Variants in HSPA8 observed in about 807,000 individuals in gnomAD.
HSPA8 encodes the protein heat shock protein family A (Hsp70) member 8, also known as heat shock cognate 71 kDa protein.
In HSPA8, 2 loss-of-function variants were observed where a neutral mutation model predicts 52.8. The ratio of observed to expected loss-of-function variants is 0.04; its 90% confidence interval spans 0.02 to 0.12. The LOEUF (loss-of-function observed/expected upper bound fraction) is 0.12. Ranked by LOEUF, HSPA8 falls within the 10% of genes least tolerant of loss-of-function variation. The probability of loss-of-function intolerance (pLI) is 1.00; values close to 1 mark genes in which losing one functional copy is unlikely to be tolerated. For synonymous variants in HSPA8, 436 were observed against 274.0 expected, an observed-to-expected ratio of 1.59 and a Z score of -5.84; for missense variants, 349 against 800.5, an observed-to-expected ratio of 0.44 and a Z score of 6.81.
intron 2 of HSPA8, 57 bp from the exon 3 acceptor site, chr11:123,060,855 C>G: frequency 6.1e-6 from 9 of 1,477,878 alleles, no homozygotes; most frequent in South Asian, 1.1e-5. Flanking sequence ...TGATAAAACT[C>G]AAGTCCATGA....
chr11:123,058,104 G>A lies in HSPA8; in HGVS notation c.1755+148C>T, dbSNP rs531142449. ...ACTCAGACATCCAAGGAAGGTAGTT[G>A]CCAACACCTTGAATTCTGGTGGAAA... On this transcript the variant is annotated intron_variant, in intron 8 of 8. Coordinates refer to ENST00000534624, the MANE Select transcript of HSPA8 (RefSeq NM_006597.6). The A allele has an allele frequency of 5.2e-5, 37 of 713,144 alleles. No individual in the cohort carries two copies. In the South Asian group the frequency reaches 6.7e-4, roughly 13 times the overall value. The allele number at this position is 713,144 out of a possible 1,614,324, so 44.2% of individuals were successfully genotyped here.
intron 1 of HSPA8, 78 bp from the exon 2 acceptor site, chr11:123,061,407 AG>A: frequency 8.7e-7 from 1 of 1,153,892 alleles, no homozygotes; most frequent in South Asian, 1.3e-5. Context: ...ACACTTAACC[AG>A]GAAAAACGTA....
intron 6 of HSPA8, 40 bp from the exon 7 acceptor site, chr11:123,058,870 G>A (rs1446667163): frequency 1.3e-5 from 20 of 1,580,016 alleles, no homozygotes; most frequent in Non-Finnish European, 1.7e-5. Flanking sequence ...ATGGACTCCA[G>A]GTCTGTGACA....
chr11:123,059,440 T>C (rs776072340), intron 5 of HSPA8, 33 bp downstream of exon 5: 2 of 1,573,224 alleles, frequency 1.3e-6, no homozygotes, highest in Non-Finnish European at 1.7e-6. Context: ...TGGGCCTGCC[T>C]GCCTTTAGGG....
At position 123,061,329 on chromosome 11, in the gene HSPA8, G is replaced by A. The variant is rs1163647441; in HGVS notation, c.-5C>T. 7 of 1,610,410 alleles carry A rather than the reference G, an allele frequency of 4.3e-6. No individual in the cohort carries two copies. In the South Asian group the frequency reaches 5.5e-5, roughly 13 times the overall value. On this transcript the variant is annotated splice_region_variant and 5_prime_UTR_variant, in exon 2 of 9. Coordinates refer to ENST00000534624, the MANE Select transcript of HSPA8 (RefSeq NM_006597.6). ...AACTGCAGGTCCCTTGGACATGGTTGCTGAAAAAAAGAAAAATCTGGTTTA... is the reference window on the plus strand; with the variant it reads ...AACTGCAGGTCCCTTGGACATGGTTACTGAAAAAAAGAAAAATCTGGTTTA...
At chr11:123,058,158 G>A in intron 8 of HSPA8, 94 bp downstream of exon 8, 1 of 858,944 alleles carries the variant, frequency 1.2e-6, no homozygotes, top group Non-Finnish European at 1.9e-6. Flanking sequence ...ATTCATCATT[G>A]TGACCCTACA....
intron 8 of HSPA8, 24 bp from the exon 9 acceptor site, chr11:123,057,943 C>T: frequency 6.5e-7 from 1 of 1,546,522 alleles, no homozygotes; most frequent in East Asian, 2.3e-5. Flanking sequence ...AAAGGAATTA[C>T]TGCAAGTTCT....
chr11:123,060,910 C>CAT (rs1326323827), intron 2 of HSPA8, 112 bp from the exon 3 acceptor site: 1 of 1,023,944 alleles, frequency 9.8e-7, no homozygotes, highest in Non-Finnish European at 1.5e-6. Context: ...ATTCAACTAC[C>CAT]ATATAGGTAG....
In HSPA8 at chr11:123,061,332, GAA is replaced by G. The variant is rs144664941; in HGVS notation, c.-5-5_-5-4del. The G allele has an allele frequency of 1.9e-6, 3 of 1,603,284 alleles. No individual in the cohort carries two copies. The highest frequency in any genetic ancestry group is 2.2e-5 in the East Asian group (1 of 44,830). On this transcript the variant is annotated splice_region_variant and splice_polypyrimidine_tract_variant and intron_variant, in intron 1 of 8. Transcript: ENST00000534624. ...TGCAGGTCCCTTGGACATGGTTGCT[GAA>G]AAAAAGAAAAATCTGGTTTAAAAAT... is the stretch of plus-strand genomic sequence containing the variant.
chr11:123,058,693 A>G lies in HSPA8; in HGVS notation c.1461T>C (p.Asn487=). 3.7e-6 allele frequency: 6 copies of G among 1,613,996 alleles called. No homozygotes were observed. Among genetic ancestry groups the G allele is most frequent in the South Asian group, 1.1e-5 (1 of 91,084 alleles). ...CCGTACTCTTGTCCACAGCAGAGAC[A>G]TTGAGTATACCATTGGCATCAATGT... is the stretch of plus-strand genomic sequence containing the variant. ...TFDIDANGIL[N]VSAVDKSTGK... Residue 487 remains asparagine (N), a synonymous_variant, in exon 7 of 9, where the codon AAT becomes AAC. Coordinates refer to ENST00000534624, the MANE Select transcript of HSPA8 (RefSeq NM_006597.6).
At chr11:123,059,313 T>C (rs940623729) in intron 5 of HSPA8, 52 bp from the exon 6 acceptor site, 14 of 1,493,156 alleles carry the variant, frequency 9.4e-6, no homozygotes, top group Non-Finnish European at 1.2e-5. Context: ...ACCCAGTACA[T>C]AGCTCCTGTT....
chr11:123,061,645 C>T, intron 1 of HSPA8: 1 of 415,456 alleles, frequency 2.4e-6, no homozygotes, highest in South Asian at 2.4e-5. Context: ...CCCCGGGAGT[C>T]AACGGGCTTT....
intron 6 of HSPA8, 25 bp downstream of exon 6, chr11:123,059,034 A>C: frequency 1.9e-6 from 3 of 1,596,444 alleles, no homozygotes; most frequent in Non-Finnish European, 2.6e-6. Context: ...TCAGTAAGCC[A>C]AACAAGAGAA....
chr11:123,060,299 A>C (rs1865453139), intron 3 of HSPA8, 31 bp from the exon 4 acceptor site: 1 of 1,604,946 alleles, frequency 6.2e-7, no homozygotes, highest in East Asian at 2.2e-5. Context: ...ACAGATTGGT[A>C]ACTATTATAC....
At chr11:123,060,474 G>A (rs915991901) in intron 3 of HSPA8, 119 bp downstream of exon 3, 1 of 932,746 alleles carries the variant, frequency 1.1e-6, no homozygotes, top group Non-Finnish European at 1.7e-6. Flanking sequence ...TGGGCACGTG[G>A]TCTTAACCCT....
chr11:123,060,499 C>T (rs1235398984), intron 3 of HSPA8, 94 bp downstream of exon 3: 15 of 1,042,910 alleles, frequency 1.4e-5, no homozygotes, highest in Non-Finnish European at 2.1e-5. Flanking sequence ...TGAGCCCCAT[C>T]TGTTCCCCTC....
In HSPA8 at chr11:123,057,685, T is replaced by C. The variant is rs1865345620; in HGVS notation, c.*49A>G. ...AGAATTTGCTACGAATTTAGGTCCT[T>C]CAAATGTTTTAAATGTGTGGAACAA... On this transcript the variant is annotated 3_prime_UTR_variant, in exon 9 of 9. Coordinates refer to ENST00000534624, the MANE Select transcript of HSPA8 (RefSeq NM_006597.6). 6.8e-7 allele frequency: 1 copy of C among 1,467,634 alleles called. No individual in the cohort carries two copies. The highest frequency in any genetic ancestry group is 1.4e-5 in the African/African-American group (1 of 70,130). The allele number at this position is 1,467,634 out of a possible 1,614,324, so 90.9% of individuals were successfully genotyped here.
rs3763897 is a variant in HSPA8, at chr11:123,057,926, A to T, written c.1756-7T>A. ...ATTCTTCCTTCTCAGCAGTCTGAGG[A>T]AGAGAAAAAGGAATTACTGCAAGTT... On this transcript the variant is annotated splice_polypyrimidine_tract_variant and splice_region_variant and intron_variant, in intron 8 of 8. Coordinates refer to ENST00000534624, the MANE Select transcript of HSPA8 (RefSeq NM_006597.6). 0.023 allele frequency: 37,139 copies of T among 1,588,350 alleles called. 1,028 individuals are homozygous for T. The highest frequency in any genetic ancestry group is 0.17 in the East Asian group (7,412 of 44,624).
Position 123,057,913 on chromosome 11 carries a change from C to T in HSPA8, c.1762G>A (p.Glu588Lys). 6.2e-7 allele frequency: 1 copy of T among 1,606,628 alleles called. No homozygotes were observed. Among genetic ancestry groups the T allele is most frequent in the Non-Finnish European group, 8.5e-7 (1 of 1,176,994 alleles). The change falls in exon 9 of 9, where the codon GAG (glutamate) becomes AAG (lysine). Residue 588 changes from glutamate (E) to lysine (K), a missense_variant. Coordinates refer to ENST00000534624, the MANE Select transcript of HSPA8 (RefSeq NM_006597.6). ...INWLDKNQTA[E>K]KEEFEHQQKE... is the part of the protein sequence containing the mutation. Reference sequence around the variant, plus strand: ...TGTTGATGTTCAAATTCTTCCTTCTCAGCAGTCTGAGGAAGAGAAAAAGGA... The same window carrying T: ...TGTTGATGTTCAAATTCTTCCTTCTTAGCAGTCTGAGGAAGAGAAAAAGGA...
Sources: gnomAD v4.1 joint callset for allele counts on GRCh38, gnomAD v4.1.1 for gene constraint, MANE v1.5 for transcripts, NCBI Gene and HGNC (gene_info 2026-07-23, HGNC 2026-07-21) for gene names.